The following TENM2 variants were observed in gnomAD, a reference collection of about 807,000 sequenced individuals.
The protein encoded by TENM2 is teneurin transmembrane protein 2, also known as teneurin-2.
In TENM2, 52 loss-of-function variants were observed where a neutral mutation model predicts 245.2. That is an observed-to-expected ratio of 0.21 (90% CI 0.17 to 0.27). TENM2 has a LOEUF of 0.27. Among genes scored for constraint, TENM2 ranks in the 10% least tolerant of loss-of-function variants. The probability of loss-of-function intolerance (pLI) is 1.00; values close to 1 mark genes in which losing one functional copy is unlikely to be tolerated. For missense variants in TENM2, 3,046 were observed against 3,666.8 expected (o/e 0.83, Z 4.37); for synonymous variants, 1,363 against 1,438.9 (o/e 0.95, Z 1.19).
chr5:167,120,247 G>C, the TENM2 span, among the ~76,000 whole-genome samples: 1 of 152,164 alleles, frequency 6.6e-6, no homozygotes, highest in Non-Finnish European at 1.5e-5. Context: ...TGGAAAGGTA[G>C]AAATGTTATT....
chr5:168,215,530 G>A (rs1763109096), intron 21 of TENM2, among the ~76,000 whole-genome samples: 1 of 152,156 alleles, frequency 6.6e-6, no homozygotes, highest in African/African-American at 2.4e-5. Flanking sequence ...TTAGCCGGGC[G>A]TGGCGGTGGG....
intron 2 of TENM2, among the ~76,000 whole-genome samples, chr5:167,687,419 T>A (rs1757146019): frequency 6.6e-6 from 1 of 152,158 alleles, no homozygotes; most frequent in South Asian, 2.1e-4. Context: ...TAGAGAAAGG[T>A]GAAATGGAAG....
chr5:167,615,630 C>G (rs553760873), intron 2 of TENM2, among the ~76,000 whole-genome samples: 23 of 152,144 alleles, frequency 1.5e-4, no homozygotes, highest in African/African-American at 5.5e-4. Context: ...TCTGACATGG[C>G]AGACAGATTT....
chr5:167,791,005 CA>C (rs1167055375), intron 2 of TENM2, among the ~76,000 whole-genome samples: 2 of 152,066 alleles, frequency 1.3e-5, no homozygotes, highest in African/African-American at 4.8e-5. Flanking sequence ...GAATATGATT[CA>C]AAAATCTCAT....
intron 5 of TENM2, among the ~76,000 whole-genome samples, chr5:168,024,633 C>G (rs118168587): frequency 1.3e-5 from 2 of 152,148 alleles, no homozygotes; most frequent in African/African-American, 4.8e-5. Context: ...TCAGCACAGA[C>G]GCTTGTTTCC....
chr5:167,286,185 A>G (rs751787509), intron 1 of TENM2, among the ~76,000 whole-genome samples: 9 of 152,210 alleles, frequency 5.9e-5, no homozygotes, highest in South Asian at 2.1e-4. Context: ...TATATTTAAC[A>G]TAGGATTGAA....
chr5:168,078,924 G>T (rs1461617116), intron 7 of TENM2, among the ~76,000 whole-genome samples: 4 of 152,082 alleles, frequency 2.6e-5, no homozygotes, highest in Non-Finnish European at 4.4e-5. Context: ...CTCTTTTTTG[G>T]TTCCATATGA....
intron 2 of TENM2, among the ~76,000 whole-genome samples, chr5:167,470,476 T>TG (rs1284986034): frequency 6.9e-6 from 1 of 144,634 alleles, no homozygotes; most frequent in African/African-American, 2.5e-5. Flanking sequence ...TTTTTTTTTT[T>TG]GCTTATGGAA....
intron 1 of TENM2, among the ~76,000 whole-genome samples, chr5:167,304,106 G>A (rs538082580): frequency 2.0e-5 from 3 of 152,266 alleles, no homozygotes; most frequent in South Asian, 2.1e-4. Flanking sequence ...TTACACATAC[G>A]CAACCCATGA....
intron 2 of TENM2, among the ~76,000 whole-genome samples, chr5:167,752,589 G>T (rs187435254): frequency 6.6e-6 from 1 of 152,222 alleles, no homozygotes; most frequent in Admixed American, 6.5e-5. Context: ...AAAGAAGTAG[G>T]CTAGGTTATA....
At chr5:167,754,006 C>A (rs547322132) in intron 2 of TENM2, among the ~76,000 whole-genome samples, 1 of 151,894 alleles carries the variant, frequency 6.6e-6, no homozygotes, top group African/African-American at 2.4e-5. Flanking sequence ...TGCATTGTTT[C>A]TTGGTAGAAT....
At chr5:167,780,088 T>C (rs1026031850) in intron 2 of TENM2, among the ~76,000 whole-genome samples, 1 of 152,176 alleles carries the variant, frequency 6.6e-6, no homozygotes, top group Non-Finnish European at 1.5e-5. Flanking sequence ...CTAGGTGGTT[T>C]ACACACTTGG....
chr5:167,960,324 C>T (rs904826380), intron 4 of TENM2, among the ~76,000 whole-genome samples: 17 of 152,200 alleles, frequency 1.1e-4, no homozygotes, highest in Non-Finnish European at 2.2e-4. Context: ...TGCTCTGTCC[C>T]AGGGAGACGG....
At chr5:168,052,323 G>A (rs142561469) in intron 6 of TENM2, among the ~76,000 whole-genome samples, 3,927 of 151,420 alleles carry the variant, frequency 0.026, 87 homozygotes, top group Non-Finnish European at 0.042. Flanking sequence ...CCCAGGAGGC[G>A]GAGCTTGCAG....
intron 2 of TENM2, among the ~76,000 whole-genome samples, chr5:167,640,816 AAAATAGAAATAG>A (rs1340993150): frequency 7.6e-6 from 1 of 130,944 alleles, no homozygotes; most frequent in East Asian, 2.1e-4. Flanking sequence ...AATAGAAACA[AAAATAGAAATAG>A]AAATATATAT....
At chr5:167,057,975 T>C in the TENM2 span, among the ~76,000 whole-genome samples, 4 of 152,084 alleles carry the variant, frequency 2.6e-5, no homozygotes, top group Non-Finnish European at 4.4e-5. Flanking sequence ...ACAGTTCAGA[T>C]TTCCTTACCC....
chr5:167,672,266 T>G (rs1459075), intron 2 of TENM2, among the ~76,000 whole-genome samples: 1 of 151,794 alleles, frequency 6.6e-6, no homozygotes, highest in South Asian at 2.1e-4. Context: ...TGTTTGTGTG[T>G]ATATGTATAT....
chr5:167,943,601 G>A (rs1429856180), intron 3 of TENM2, among the ~76,000 whole-genome samples: 1 of 152,114 alleles, frequency 6.6e-6, no homozygotes, highest in Non-Finnish European at 1.5e-5. Flanking sequence ...ACCTTGAAAA[G>A]CTATGTGATG....
At chr5:167,950,345 A>G (rs2151828624) in intron 3 of TENM2, among the ~76,000 whole-genome samples, 1 of 152,244 alleles carries the variant, frequency 6.6e-6, no homozygotes, top group East Asian at 1.9e-4. Flanking sequence ...AGATAAGGAG[A>G]ACTTAGCTCA....
Sources: gnomAD v4.1 joint callset for allele counts (sites outside exome capture counted in the v4.1 genomes callset) on GRCh38, gnomAD v4.1.1 for gene constraint, MANE v1.5 for transcripts, NCBI Gene and HGNC (gene_info 2026-07-23, HGNC 2026-07-21) for gene names.